The following TEX10 variants were observed in gnomAD, a reference collection of about 807,000 sequenced individuals.
TEX10 encodes testis-expressed protein 10.
A neutral mutation model predicts 104.4 loss-of-function variants in TEX10; 24 were observed. That is an observed-to-expected ratio of 0.23 (90% CI 0.17 to 0.32). The LOEUF is 0.32. Ranked by LOEUF, TEX10 falls within the 10% of genes least tolerant of loss-of-function variation. The probability of loss-of-function intolerance (pLI) is 1.00; values close to 1 mark genes in which losing one functional copy is unlikely to be tolerated. For synonymous variants in TEX10, 396 were observed against 393.4 expected, an observed-to-expected ratio of 1.01 and a Z score of -0.08; for missense variants, 921 against 1,083.9, an observed-to-expected ratio of 0.85 and a Z score of 2.11.
At chr9:100,328,977 G>A (rs945996750) in intron 7 of TEX10, among the ~76,000 whole-genome samples, 163 bp downstream of exon 7, 12 of 152,070 alleles carry the variant, frequency 7.9e-5, no homozygotes, top group African/African-American at 2.7e-4. Flanking sequence ...GCACTATTAC[G>A]TATGCATCTT....
chr9:100,329,901 C>CA, intron 6 of TEX10, 30 bp downstream of exon 6: 1 of 1,564,774 alleles, frequency 6.4e-7, no homozygotes, highest in Non-Finnish European at 8.7e-7. Flanking sequence ...GAGCTCCACT[C>CA]TTAAATAAGG....
chr9:100,319,171 G>A (rs1446325617), intron 11 of TEX10, among the ~76,000 whole-genome samples: 7 of 151,930 alleles, frequency 4.6e-5, no homozygotes, highest in East Asian at 3.9e-4. Flanking sequence ...CAGCCTGGGC[G>A]ACAAAAGCGA....
chr9:100,320,196 A>G (rs1834531289), intron 11 of TEX10, 69 bp downstream of exon 11: 3 of 1,428,896 alleles, frequency 2.1e-6, no homozygotes, highest in Non-Finnish European at 2.8e-6. Flanking sequence ...CAACTCATAT[A>G]TAGTAACTAT....
At chr9:100,308,362 G>A in intron 13 of TEX10, 138 bp downstream of exon 13, 1 of 685,798 alleles carries the variant, frequency 1.5e-6, no homozygotes, top group Non-Finnish European at 2.1e-6. Context: ...GAAAAAGCTA[G>A]CTAGGCTGAC....
intron 5 of TEX10, among the ~76,000 whole-genome samples, chr9:100,337,040 G>A (rs1835028096): frequency 6.6e-6 from 1 of 152,128 alleles, no homozygotes; most frequent in African/African-American, 2.4e-5. Flanking sequence ...CATCAGGGCA[G>A]CCTTCTCTAA....
rs1834195358 is a variant in TEX10 at position 100,308,504 on chromosome 9, TTC to T, written c.2459_2460del (p.Arg820LysfsTer35). ...TIEKGEAEHL[R>X]KRDKLWGVCV... ...TGAAGAATAAAAAATAATTACCTCT[TTC>T]TTAGATGTTCTGCTTCCCCTTTCTC... On this transcript the variant is annotated frameshift_variant, in exon 13 of 15. Coordinates refer to ENST00000374902, the MANE Select transcript of TEX10 (RefSeq NM_017746.4). LOFTEE classifies it high-confidence loss of function. The T allele has an allele frequency of 6.3e-7, 1 of 1,583,088 alleles. No homozygotes were observed. The highest frequency in any genetic ancestry group is 1.9e-5 in the Admixed American group (1 of 51,500).
chr9:100,327,610 T>G (rs904047781), intron 8 of TEX10, among the ~76,000 whole-genome samples, 177 bp downstream of exon 8: 4 of 152,124 alleles, frequency 2.6e-5, no homozygotes, highest in African/African-American at 9.7e-5. Context: ...ACCTTCTATA[T>G]TCTAATAAAT....
intron 1 of TEX10, among the ~76,000 whole-genome samples, chr9:100,350,515 T>C (rs1214625894): frequency 6.6e-6 from 1 of 152,234 alleles, no homozygotes. Flanking sequence ...CTCTTCTACC[T>C]GGAACCAGCT....
chr9:100,341,296 T>C (rs1413918953), intron 4 of TEX10, among the ~76,000 whole-genome samples: 2 of 152,160 alleles, frequency 1.3e-5, no homozygotes, highest in Non-Finnish European at 2.9e-5. Flanking sequence ...CTCCTTAGTA[T>C]CTTTACTGGG....
At chr9:100,309,045 A>T (rs994615138) in intron 12 of TEX10, among the ~76,000 whole-genome samples, 8 of 152,212 alleles carry the variant, frequency 5.3e-5, no homozygotes, top group African/African-American at 1.9e-4. Flanking sequence ...ATACTTAAAA[A>T]TTTTTAAATT....
intron 11 of TEX10, among the ~76,000 whole-genome samples, chr9:100,318,304 C>A (rs1381979598): frequency 6.6e-6 from 1 of 152,136 alleles, no homozygotes; most frequent in Non-Finnish European, 1.5e-5. Flanking sequence ...TAAAATCATG[C>A]CTTCTGCAGC....
Position 100,352,381 on chromosome 9 carries a change from C to T in TEX10, c.-10+391G>A, listed in dbSNP as rs371872210. The T allele has an allele frequency of 1.2e-5, 19 of 1,551,712 alleles. No individual in the cohort carries two copies. The African/African-American group carries it at 1.9e-4, about 16-fold the overall frequency. ...AGGGGACGCCAGCTCATCCCCACTCCGTATTCGGTCCTGCATCCATCCCAG... is the reference window on the plus strand; with the variant it reads ...AGGGGACGCCAGCTCATCCCCACTCTGTATTCGGTCCTGCATCCATCCCAG... On this transcript the variant is annotated intron_variant, in intron 1 of 14. Coordinates refer to ENST00000374902, the MANE Select transcript of TEX10 (RefSeq NM_017746.4).
At chr9:100,315,121 C>G (rs1834383557) in intron 11 of TEX10, among the ~76,000 whole-genome samples, 1 of 152,104 alleles carries the variant, frequency 6.6e-6, no homozygotes, top group Admixed American at 6.5e-5. Flanking sequence ...AGGAGATATA[C>G]TTGGTATGAT....
chr9:100,350,301 T>A (rs1835409100), intron 1 of TEX10, among the ~76,000 whole-genome samples: 1 of 152,174 alleles, frequency 6.6e-6, no homozygotes, highest in African/African-American at 2.4e-5. Context: ...ATCTAGTGTC[T>A]CCTCTCTAGT....
intron 14 of TEX10, among the ~76,000 whole-genome samples, chr9:100,302,878 A>G (rs983551981): frequency 2.0e-5 from 3 of 152,066 alleles, no homozygotes; most frequent in African/African-American, 4.8e-5. Flanking sequence ...ATCACTACGA[A>G]TCTCAAGGGA....
At chr9:100,337,175 T>C (rs1835031456) in intron 5 of TEX10, among the ~76,000 whole-genome samples, 1 of 152,190 alleles carries the variant, frequency 6.6e-6, no homozygotes, top group South Asian at 2.1e-4. Flanking sequence ...GTGAAATAAA[T>C]GTCTTTTTCA....
At chr9:100,329,901 C>G in intron 6 of TEX10, 30 bp downstream of exon 6, 1 of 1,564,774 alleles carries the variant, frequency 6.4e-7, no homozygotes, top group South Asian at 1.2e-5. Flanking sequence ...GAGCTCCACT[C>G]TTAAATAAGG....
chr9:100,352,900 G>C lies in TEX10; in HGVS notation c.-138C>G. 2.0e-6 allele frequency: 2 copies of C among 991,708 alleles called. No homozygotes were observed. The highest frequency in any genetic ancestry group is 4.6e-5 in the South Asian group (1 of 21,768). 61.4% of individuals were successfully genotyped at this position (991,708 alleles called of 1,614,324 possible). Reference sequence around the variant, plus strand: ...CCGGAGCGTGTTTTCAAATAGCCTCGTCCTCACGCGGCCGCGTCTCCTTCC... The same window carrying C: ...CCGGAGCGTGTTTTCAAATAGCCTCCTCCTCACGCGGCCGCGTCTCCTTCC... On this transcript the variant is annotated 5_prime_UTR_variant, in exon 1 of 15. Transcript: ENST00000374902.
intron 1 of TEX10, 26 bp from the exon 2 acceptor site, chr9:100,349,398 G>A: frequency 6.9e-7 from 1 of 1,454,862 alleles, no homozygotes. Context: ...TTAATTAAAA[G>A]CAATGGATAG....
Sources: gnomAD v4.1 joint callset for allele counts (sites outside exome capture counted in the v4.1 genomes callset) on GRCh38, gnomAD v4.1.1 for gene constraint, MANE v1.5 for transcripts, NCBI Gene and HGNC (gene_info 2026-07-23, HGNC 2026-07-21) for gene names.